CRIM1: variants seen among roughly 807,000 people sequenced by gnomAD.
The protein encoded by CRIM1 is cysteine-rich motor neuron 1 protein.
A neutral mutation model predicts 116.4 loss-of-function variants in CRIM1; 32 were observed. That is an observed-to-expected ratio of 0.27 (90% CI 0.21 to 0.37). The LOEUF (loss-of-function observed/expected upper bound fraction) is 0.37, where lower values mean the gene tolerates loss of function less well. CRIM1 is among the 10% of genes least tolerant of loss of function. The pLI is 1.00. For missense variants in CRIM1, 1,331 were observed against 1,354.8 expected (o/e 0.98, Z 0.28); for synonymous variants, 590 against 509.2 (o/e 1.16, Z -2.13).
intron 2 of CRIM1, among the ~76,000 whole-genome samples, chr2:36,416,098 C>T (rs1673598025): frequency 1.3e-5 from 2 of 152,088 alleles, no homozygotes. Context: ...ATCCCAGCTA[C>T]TCAGGAGGCT....
chr2:36,472,353 C>G (rs1678595672), intron 5 of CRIM1, among the ~76,000 whole-genome samples: 2 of 152,140 alleles, frequency 1.3e-5, no homozygotes, highest in African/African-American at 4.8e-5. Flanking sequence ...TCTTAAGAGC[C>G]TCTATAAATC....
intron 2 of CRIM1, among the ~76,000 whole-genome samples, chr2:36,429,071 C>T (rs1408133023): frequency 6.6e-6 from 1 of 152,192 alleles, no homozygotes; most frequent in Non-Finnish European, 1.5e-5. Flanking sequence ...ACAAGGGCTG[C>T]ACCGTAGGGA....
intron 2 of CRIM1, among the ~76,000 whole-genome samples, chr2:36,420,185 G>A (rs955615462): frequency 6.6e-6 from 1 of 152,132 alleles, no homozygotes; most frequent in Admixed American, 6.6e-5. Context: ...AGCAACCTAT[G>A]TTAGTTTGGT....
At chr2:36,457,842 A>C (rs1677264791) in intron 4 of CRIM1, among the ~76,000 whole-genome samples, 1 of 152,098 alleles carries the variant, frequency 6.6e-6, no homozygotes, top group Non-Finnish European at 1.5e-5. Context: ...TTAAAGTTGC[A>C]GCTACTTTTT....
chr2:36,382,128 C>A (rs556374279), intron 1 of CRIM1, among the ~76,000 whole-genome samples: 123 of 152,290 alleles, frequency 8.1e-4, no homozygotes, highest in Middle Eastern at 3.4e-3. Flanking sequence ...CTAATTAAAG[C>A]CTTTGGCAGA....
chr2:36,446,283 C>T (rs1572749534), intron 4 of CRIM1, among the ~76,000 whole-genome samples: 1 of 152,148 alleles, frequency 6.6e-6, no homozygotes, highest in African/African-American at 2.4e-5. Flanking sequence ...TTAACTGCCC[C>T]ATTTCTGTGT....
At position 36,547,157 on chromosome 2, in the gene CRIM1, C is replaced by T. The variant is rs146137601; in HGVS notation, c.2920C>T (p.Arg974Ter). Reference sequence around the variant, plus strand: ...GTGGATACCACTGCTTTGCTGGTATCGAACACCAACTAAGGTACTGTCTTG... The same window carrying T: ...GTGGATACCACTGCTTTGCTGGTATTGAACACCAACTAAGGTACTGTCTTG... ...KQWIPLLCWY[R>*]TPTKPSSLNN... is the part of the protein sequence containing the mutation. The change falls in exon 16 of 17, where the codon CGA becomes TGA. Residue 974 changes from arginine to a stop codon, truncating the protein, a stop_gained. Transcript: ENST00000280527. LOFTEE classifies it high-confidence loss of function. 6.2e-7 allele frequency: 1 copy of T among 1,611,242 alleles called. No homozygotes were observed. Among genetic ancestry groups the T allele is most frequent in the Non-Finnish European group, 8.5e-7 (1 of 1,178,474 alleles).
intron 4 of CRIM1, among the ~76,000 whole-genome samples, chr2:36,453,565 G>A (rs1020531897): frequency 3.3e-5 from 5 of 152,188 alleles, no homozygotes; most frequent in Non-Finnish European, 7.3e-5. Flanking sequence ...AAAAGTCCTA[G>A]CATCAAAACC....
chr2:36,513,707 G>A lies in CRIM1; in HGVS notation c.1932G>A (p.Pro644=), dbSNP rs201253714. The change falls in exon 11 of 17, where the codon CCG becomes CCA. Residue 644 remains proline (P), a synonymous_variant. Coordinates refer to ENST00000280527, the MANE Select transcript of CRIM1 (RefSeq NM_016441.3). ...GREMCALITC[P]VPACGNPTIH... ...AAATGTGTGCCCTGATCACCTGCCC[G>A]GTGCCTGCCTGTGGCAACCCCACCA... 102 of 1,614,048 alleles carry A rather than the reference G, an allele frequency of 6.3e-5. No individual in the cohort carries two copies. The highest frequency in any genetic ancestry group is 2.5e-4 in the South Asian group (23 of 91,074).
intron 2 of CRIM1, among the ~76,000 whole-genome samples, chr2:36,436,359 G>T (rs1035059976): frequency 1.3e-5 from 2 of 152,010 alleles, no homozygotes; most frequent in African/African-American, 2.4e-5. Flanking sequence ...AAGAGAAAAA[G>T]GAATGTTAAT....
At chr2:36,430,235 C>T (rs928409235) in intron 2 of CRIM1, among the ~76,000 whole-genome samples, 1 of 152,164 alleles carries the variant, frequency 6.6e-6, no homozygotes, top group African/African-American at 2.4e-5. Flanking sequence ...TGAACCCCAT[C>T]TTGCCCTGGA....
At chr2:36,378,396 G>C (rs1291762607) in intron 1 of CRIM1, 3 of 470,980 alleles carry the variant, frequency 6.4e-6, no homozygotes. Context: ...CAGCATTACT[G>C]CTCATCTCAA....
chr2:36,388,653 C>G (rs1365375706), intron 1 of CRIM1, among the ~76,000 whole-genome samples: 1 of 152,138 alleles, frequency 6.6e-6, no homozygotes, highest in Non-Finnish European at 1.5e-5. Context: ...ACACCATCCC[C>G]CTCTGGGCTG....
rs940998778 is a variant in CRIM1, at chr2:36,448,526, C to T, written c.869+5791C>T. ...CCAGTGTTTCAGATACAGGCTTACA[C>T]GGTAGACATTAACTAGTTAAAAATC... On this transcript the variant is annotated intron_variant, in intron 4 of 16. Transcript: ENST00000280527. Among the ~76,000 whole-genome samples, 6 of 152,358 alleles carry T rather than the reference C, an allele frequency of 3.9e-5. 1 individual carries two copies. The East Asian group carries it at 5.8e-4, about 15-fold the overall frequency.
chr2:36,375,706 T>C (rs1358451861), intron 1 of CRIM1, among the ~76,000 whole-genome samples: 2 of 152,204 alleles, frequency 1.3e-5, no homozygotes, highest in Non-Finnish European at 2.9e-5. Context: ...TAAGCCACAG[T>C]ATGTGGCTAA....
chr2:36,407,322 A>C (rs1672885679), intron 2 of CRIM1, among the ~76,000 whole-genome samples: 1 of 152,198 alleles, frequency 6.6e-6, no homozygotes, highest in South Asian at 2.1e-4. Context: ...CATGTGTTTC[A>C]TTTTAAATTC....
intron 7 of CRIM1, among the ~76,000 whole-genome samples, chr2:36,488,378 C>G (rs566563704): frequency 1.8e-4 from 28 of 152,270 alleles, no homozygotes; most frequent in African/African-American, 6.3e-4. Flanking sequence ...ACCTATCAGC[C>G]TCTTAATTTG....
At chr2:36,474,092 A>G (rs560651937) in intron 5 of CRIM1, among the ~76,000 whole-genome samples, 10 of 152,252 alleles carry the variant, frequency 6.6e-5, no homozygotes, top group African/African-American at 2.2e-4. Flanking sequence ...TCCCCGAGTG[A>G]CTAATGATTC....
intron 1 of CRIM1, among the ~76,000 whole-genome samples, chr2:36,375,150 A>G (rs367706919): frequency 6.7e-6 from 1 of 148,822 alleles, no homozygotes; most frequent in African/African-American, 2.4e-5. Context: ...TGCATATGCC[A>G]TATGCTGTTG....
Sources: gnomAD v4.1 joint callset for allele counts (sites outside exome capture counted in the v4.1 genomes callset) on GRCh38, gnomAD v4.1.1 for gene constraint, MANE v1.5 for transcripts, NCBI Gene and HGNC (gene_info 2026-07-23, HGNC 2026-07-21) for gene names.